The following DCHS2 variants were observed in gnomAD, a reference collection of about 807,000 sequenced individuals.
The protein encoded by DCHS2 is dachsous cadherin-related 2.
Under a neutral mutation model 182.4 loss-of-function variants are expected in DCHS2, and 142 were observed. That is an observed-to-expected ratio of 0.78 (90% CI 0.68 to 0.89). The LOEUF is 0.89. DCHS2 is among the 40% of genes least tolerant of loss of function. The pLI is 0.00. For missense variants in DCHS2, 4,319 were observed against 4,198.6 expected (o/e 1.03, Z -0.79); for synonymous variants, 1,740 against 1,663.3 (o/e 1.05, Z -1.12).
At chr4:154,382,811 C>A (rs113765070) in intron 1 of DCHS2, among the ~76,000 whole-genome samples, 10 of 152,136 alleles carry the variant, frequency 6.6e-5, no homozygotes, top group African/African-American at 2.4e-4. Flanking sequence ...CATCTTGCAC[C>A]AGTCAGAATA....
chr4:154,259,827 A>G (rs928195600), intron 14 of DCHS2, 71 bp from the exon 15 acceptor site: 2 of 1,422,034 alleles, frequency 1.4e-6, no homozygotes, highest in Admixed American at 2.8e-5. Flanking sequence ...TATTTTATTT[A>G]TTTATTTAGT....
At chr4:154,355,425 C>T (rs1394117959) in intron 3 of DCHS2, among the ~76,000 whole-genome samples, 1 of 152,196 alleles carries the variant, frequency 6.6e-6, no homozygotes, top group African/African-American at 2.4e-5. Context: ...TGGAGAATTT[C>T]CTGCCCCTTT....
chr4:154,478,926 G>A (rs867267360), intron 1 of DCHS2, among the ~76,000 whole-genome samples: 2 of 151,964 alleles, frequency 1.3e-5, no homozygotes, highest in Non-Finnish European at 2.9e-5. Flanking sequence ...CACAATGTCC[G>A]GAATACAAGG....
chr4:154,319,206 TA>T lies in DCHS2; in HGVS notation c.5020+1172del, dbSNP rs1735963705. 2.0e-5 allele frequency among the ~76,000 whole-genome samples: 3 copies of T among 152,108 alleles called. No homozygotes were observed. In the South Asian group the frequency reaches 6.2e-4, roughly 32 times the overall value. ...AAAAATAAAACAAAATAAAATGGAT[TA>T]AAGACTTAAATGTAATACCTGAAAC... On this transcript the variant is annotated intron_variant, in intron 9 of 19. Transcript: ENST00000357232.
At chr4:154,272,511 T>C (rs934755701) in intron 13 of DCHS2, among the ~76,000 whole-genome samples, 1 of 152,064 alleles carries the variant, frequency 6.6e-6, no homozygotes, top group Non-Finnish European at 1.5e-5. Flanking sequence ...ACTTTCCCCA[T>C]GCTGTTCTCA....
At chr4:154,448,210 G>A (rs1315238101) in intron 1 of DCHS2, among the ~76,000 whole-genome samples, 1 of 152,062 alleles carries the variant, frequency 6.6e-6, no homozygotes, top group Non-Finnish European at 1.5e-5. Flanking sequence ...CCCATTCCTG[G>A]CTATGACATG....
chr4:154,335,313 G>A, intron 3 of DCHS2: 7 of 551,746 alleles, frequency 1.3e-5, no homozygotes, highest in Non-Finnish European at 3.3e-6. Flanking sequence ...TCTGTAGACT[G>A]AATAAAGCAG....
chr4:154,433,798 C>T (rs1006731164), intron 1 of DCHS2, among the ~76,000 whole-genome samples: 5 of 152,218 alleles, frequency 3.3e-5, no homozygotes, highest in African/African-American at 1.2e-4. Flanking sequence ...TCGCTGCTCT[C>T]ACTGGCTCCA....
intron 3 of DCHS2, among the ~76,000 whole-genome samples, chr4:154,364,246 A>G (rs1730250088): frequency 6.6e-6 from 1 of 152,258 alleles, no homozygotes; most frequent in Non-Finnish European, 1.5e-5. Context: ...GGCTTCGGCC[A>G]GGACAGCAAG....
chr4:154,306,810 C>T (rs2111303899), intron 10 of DCHS2, among the ~76,000 whole-genome samples: 1 of 152,040 alleles, frequency 6.6e-6, no homozygotes, highest in Non-Finnish European at 1.5e-5. Context: ...TAATTCTCAC[C>T]ACTTGCCAAA....
intron 1 of DCHS2, among the ~76,000 whole-genome samples, chr4:154,473,715 G>A (rs1579116128): frequency 6.6e-6 from 1 of 152,136 alleles, no homozygotes; most frequent in South Asian, 2.1e-4. Context: ...ATCAGCTGTA[G>A]TCCCAAAACC....
At chr4:154,252,738 C>A (rs1009803021) in intron 16 of DCHS2, among the ~76,000 whole-genome samples, 5 of 151,716 alleles carry the variant, frequency 3.3e-5, no homozygotes, top group African/African-American at 1.2e-4. Flanking sequence ...TGTTAATGGA[C>A]ACTTAGGTTG....
chr4:154,303,868 G>A (rs1735321614), intron 12 of DCHS2, among the ~76,000 whole-genome samples: 2 of 152,082 alleles, frequency 1.3e-5, no homozygotes, highest in South Asian at 2.1e-4. Flanking sequence ...TGCACTGATT[G>A]TTGTCTTGCA....
At chr4:154,304,250 A>T (rs1735339415) in intron 12 of DCHS2, among the ~76,000 whole-genome samples, 1 of 152,086 alleles carries the variant, frequency 6.6e-6, no homozygotes, top group African/African-American at 2.4e-5. Context: ...ATAGAAAAAC[A>T]CTATCTTTTC....
chr4:154,266,571 G>A (rs1198990664), intron 14 of DCHS2, among the ~76,000 whole-genome samples: 3 of 151,122 alleles, frequency 2.0e-5, no homozygotes, highest in African/African-American at 4.9e-5. Context: ...CAGGAGAATC[G>A]CTTGAACCCA....
chr4:154,467,152 A>G (rs934185722), intron 1 of DCHS2, among the ~76,000 whole-genome samples: 1 of 152,214 alleles, frequency 6.6e-6, no homozygotes, highest in Non-Finnish European at 1.5e-5. Flanking sequence ...AAATAGAAAA[A>G]ATCAAAATGT....
intron 1 of DCHS2, chr4:154,391,151 T>G (rs1215971515): frequency 6.2e-7 from 1 of 1,607,550 alleles, no homozygotes; most frequent in East Asian, 2.2e-5. Flanking sequence ...TTATTTTTAA[T>G]TTTTGTTCTT....
chr4:154,486,951 T>C (rs746899417), intron 1 of DCHS2, among the ~76,000 whole-genome samples: 8 of 152,190 alleles, frequency 5.3e-5, no homozygotes, highest in African/African-American at 1.9e-4. Context: ...CAGTCCTACA[T>C]GTAAGCCAAG....
At chr4:154,385,429 G>A (rs544252339) in intron 1 of DCHS2, among the ~76,000 whole-genome samples, 10 of 152,156 alleles carry the variant, frequency 6.6e-5, no homozygotes, top group African/African-American at 2.4e-4. Flanking sequence ...AATCCTTTGG[G>A]TATATACCCA....
Sources: gnomAD v4.1 joint callset for allele counts (sites outside exome capture counted in the v4.1 genomes callset) on GRCh38, gnomAD v4.1.1 for gene constraint, MANE v1.5 for transcripts, NCBI Gene and HGNC (gene_info 2026-07-23, HGNC 2026-07-21) for gene names.